Variants in FBN1 observed in about 807,000 individuals in gnomAD.
FBN1 encodes fibrillin-1.
A neutral mutation model predicts 365.1 loss-of-function variants in FBN1; 29 were observed. The ratio of observed to expected loss-of-function variants is 0.08; its 90% confidence interval spans 0.06 to 0.11. The LOEUF is 0.11. Ranked by LOEUF, FBN1 falls within the 10% of genes least tolerant of loss-of-function variation. The pLI is 1.00. For synonymous variants in FBN1, 1,210 were observed against 1,270.5 expected, an observed-to-expected ratio of 0.95 and a Z score of 1.01; for missense variants, 2,476 against 3,703.2, an observed-to-expected ratio of 0.67 and a Z score of 8.60.
chr15:48,638,883 G>A (rs1022891894), intron 2 of FBN1, among the ~76,000 whole-genome samples: 63 of 152,028 alleles, frequency 4.1e-4, no homozygotes, highest in Admixed American at 3.9e-3. Flanking sequence ...CCCACACAAC[G>A]CCCAGCAGGC....
At chr15:48,536,769 C>G (rs927370990) in intron 7 of FBN1, among the ~76,000 whole-genome samples, 1 of 152,212 alleles carries the variant, frequency 6.6e-6, no homozygotes, top group African/African-American at 2.4e-5. Flanking sequence ...AGCTCAAGTT[C>G]TGTTTTATTG....
rs1193131819 is a variant in FBN1 at position 48,569,283 on chromosome 15, C to A, written c.538+27000G>T. 2.8e-4 allele frequency among the ~76,000 whole-genome samples: 43 copies of A among 152,004 alleles called. 1 individual carries two copies. On this transcript the variant is annotated intron_variant, in intron 6 of 65. Coordinates refer to ENST00000316623, the MANE Select transcript of FBN1 (RefSeq NM_000138.5). ...AAAACCACAGGACATCATTTCACAT[C>A]CACTAGAATGGTTATAATGAAAAAG...
rs755714229 is a variant in FBN1 at position 48,425,785 on chromosome 15, A to G, written c.7284T>C (p.Ile2428=). The change falls in exon 59 of 66, where the codon ATT becomes ATC. Residue 2428 remains isoleucine (I), a synonymous_variant. Coordinates refer to ENST00000316623, the MANE Select transcript of FBN1 (RefSeq NM_000138.5). Reference sequence around the variant, plus strand: ...TATCTGGAGTGTACCCAGTTTTACAAATGCAATGATATGATCCTCTGTCAT... The same window carrying G: ...TATCTGGAGTGTACCCAGTTTTACAGATGCAATGATATGATCCTCTGTCAT... ...CVNDRGSYHC[I]CKTGYTPDIT... 1.9e-6 allele frequency: 3 copies of G among 1,613,320 alleles called. No individual in the cohort carries two copies. In the Admixed American group the frequency reaches 5.0e-5, roughly 27 times the overall value.
At chr15:48,496,680 T>C (rs1222208508) in intron 19 of FBN1, among the ~76,000 whole-genome samples, 1 of 152,204 alleles carries the variant, frequency 6.6e-6, no homozygotes, top group African/African-American at 2.4e-5. Flanking sequence ...TTCTTCCTTA[T>C]AATAATTCAA....
intron 49 of FBN1, among the ~76,000 whole-genome samples, chr15:48,442,819 T>C (rs774368513): frequency 1.3e-5 from 2 of 152,238 alleles, no homozygotes; most frequent in Non-Finnish European, 2.9e-5. Flanking sequence ...GAATTTTTAG[T>C]GAACAAAGTG....
chr15:48,422,949 C>T (rs1463058269), intron 60 of FBN1, among the ~76,000 whole-genome samples: 1 of 151,542 alleles, frequency 6.6e-6, no homozygotes, highest in Non-Finnish European at 1.5e-5. Flanking sequence ...AAAACAAAAA[C>T]AAAAAACAAA....
chr15:48,567,560 C>T (rs961531353), intron 6 of FBN1, among the ~76,000 whole-genome samples: 1 of 152,100 alleles, frequency 6.6e-6, no homozygotes, highest in Non-Finnish European at 1.5e-5. Context: ...GAAAAACCCT[C>T]AACACAGAAC....
At chr15:48,474,449 T>C in intron 33 of FBN1, 72 bp from the exon 34 acceptor site, 1 of 1,611,330 alleles carries the variant, frequency 6.2e-7, no homozygotes, top group South Asian at 1.1e-5. Flanking sequence ...CAAATTAAAA[T>C]AACTTTACAT....
chr15:48,452,607 C>T lies in FBN1; in HGVS notation c.5500G>A (p.Asp1834Asn). ...GTGAAGCGGTAGCCGGGCTTACAGT[C>T]ACAGCGGTAGCTGCCTGCAGTGTTG... ...CINTAGSYRCDCKPGYRFTST... is the reference protein window; with the variant it reads ...CINTAGSYRCNCKPGYRFTST... The change falls in exon 45 of 66, where the codon GAC (aspartate) becomes AAC (asparagine). Residue 1834 changes from aspartate to asparagine, a missense_variant. Transcript: ENST00000316623. 1.2e-6 allele frequency: 2 copies of T among 1,614,178 alleles called. No homozygotes were observed. Among genetic ancestry groups the T allele is most frequent in the East Asian group, 4.5e-5 (2 of 44,864 alleles).
At chr15:48,427,418 TA>T in intron 58 of FBN1, 148 bp downstream of exon 58, 2 of 829,334 alleles carry the variant, frequency 2.4e-6, no homozygotes, top group Non-Finnish European at 1.9e-6. Flanking sequence ...CTCAAATGTC[TA>T]AAACTCCATA....
At chr15:48,623,068 G>C (rs1399985632) in intron 2 of FBN1, among the ~76,000 whole-genome samples, 1 of 152,092 alleles carries the variant, frequency 6.6e-6, no homozygotes, top group Admixed American at 6.5e-5. Context: ...TTTACTCCCA[G>C]AGTAATAAAT....
At chr15:48,550,047 G>A (rs893940013) in intron 6 of FBN1, among the ~76,000 whole-genome samples, 2 of 152,224 alleles carry the variant, frequency 1.3e-5, no homozygotes, top group Non-Finnish European at 2.9e-5. Context: ...ACACAGTGCA[G>A]GGCTAGAACC....
intron 44 of FBN1, among the ~76,000 whole-genome samples, chr15:48,456,164 A>G (rs1416367032): frequency 6.6e-6 from 1 of 152,254 alleles, no homozygotes; most frequent in Non-Finnish European, 1.5e-5. Context: ...TTCTTCATAT[A>G]AAATCAAATT....
intron 2 of FBN1, chr15:48,643,005 A>G (rs1244177226): frequency 6.6e-6 from 1 of 152,264 alleles, no homozygotes; most frequent in Non-Finnish European, 1.5e-5. Flanking sequence ...GTGACAGCCC[A>G]GAGAAATGAG....
chr15:48,573,679 C>A (rs2044323376), intron 6 of FBN1, among the ~76,000 whole-genome samples: 1 of 152,152 alleles, frequency 6.6e-6, no homozygotes, highest in Non-Finnish European at 1.5e-5. Flanking sequence ...TCTCATCAGT[C>A]CCTTGAAGTC....
At chr15:48,530,705 G>A (rs1232062703) in intron 8 of FBN1, among the ~76,000 whole-genome samples, 1 of 152,156 alleles carries the variant, frequency 6.6e-6, no homozygotes, top group East Asian at 1.9e-4. Context: ...TAGCTCCTGA[G>A]AGGATAAGAG....
rs766162654 is a variant in FBN1 at position 48,520,689 on chromosome 15, C to T, written c.1117G>A (p.Ala373Thr). The change falls in exon 10 of 66, where the codon GCC becomes ACC. Residue 373 changes from alanine to threonine, a missense_variant. Around this residue, in one of 5 missense-constraint regions of FBN1, gnomAD observed 421 missense variants for 520.1 expected, o/e 0.81. Coordinates refer to ENST00000316623, the MANE Select transcript of FBN1 (RefSeq NM_000138.5). ...GRCWSPGVTV[A>T]PEMCPIRATE... ...GCTCTGATGGGACACATCTCAGGGGCGACAGTGACCCCTGGAGACCAGCAT... is the reference window on the plus strand; with the variant it reads ...GCTCTGATGGGACACATCTCAGGGGTGACAGTGACCCCTGGAGACCAGCAT... 2.0e-5 allele frequency: 32 copies of T among 1,613,888 alleles called. No homozygotes were observed. The highest frequency in any genetic ancestry group is 2.7e-5 in the African/African-American group (2 of 74,862).
intron 6 of FBN1, among the ~76,000 whole-genome samples, chr15:48,570,788 G>C (rs1328498095): frequency 6.6e-6 from 1 of 152,196 alleles, no homozygotes; most frequent in Non-Finnish European, 1.5e-5. Flanking sequence ...AGTCAGCTAA[G>C]GAGAGAGAGC....
chr15:48,456,253 G>A (rs1194576468), intron 44 of FBN1, among the ~76,000 whole-genome samples: 3 of 152,226 alleles, frequency 2.0e-5, no homozygotes, highest in Non-Finnish European at 4.4e-5. Context: ...GAGTAGCAAA[G>A]TCTCTGTCTG....
Sources: allele counts gnomAD v4.1 joint callset (sites outside exome capture counted in the v4.1 genomes callset), GRCh38; gene constraint gnomAD v4.1.1; regional missense constraint gnomAD v4.1.1; transcripts MANE v1.5; gene names NCBI Gene and HGNC (gene_info 2026-07-23, HGNC 2026-07-21).